Variants in MMP26 observed in about 807,000 individuals in gnomAD.
MMP26 encodes the protein matrix metalloproteinase-26.
MMP26 carries 33 observed loss-of-function variants against 31.0 expected under a neutral mutation model. The observed-to-expected ratio is 1.06, with a 90% CI of 0.81 to 1.42. The LOEUF is 1.42. MMP26 is among the 40% of genes most tolerant of loss of function. The pLI is 0.00. For missense variants in MMP26, 347 were observed against 316.1 expected (o/e 1.10, Z -0.74); for synonymous variants, 122 against 114.9 (o/e 1.06, Z -0.40).
rs116079627 is a variant in MMP26 at position 4,889,975 on chromosome 11, C to A, written c.-144-98093C>A. The A allele has an allele frequency of 2.3e-3, 381 of 164,126 alleles. 1 individual carries two copies. The highest frequency in any genetic ancestry group is 8.7e-3 in the African/African-American group (363 of 41,760). 10.2% of individuals were successfully genotyped at this position (164,126 alleles called of 1,614,324 possible). ...AGTTGACAGTGTTGTCGGAGCAGGC[C>A]AGCTTCCTGACATCCTGATGGAGAC... On this transcript the variant is annotated intron_variant, in intron 2 of 7. Coordinates refer to ENST00000380390, the MANE Select transcript of MMP26 (RefSeq NM_021801.5).
intron 2 of MMP26, among the ~76,000 whole-genome samples, chr11:4,970,776 G>A (rs1846655568): frequency 6.6e-6 from 1 of 152,190 alleles, no homozygotes; most frequent in Admixed American, 6.5e-5. Flanking sequence ...ACCCAGGAAA[G>A]ATTGTCCTCA....
At chr11:4,887,534 C>T (rs1045978941) in intron 2 of MMP26, among the ~76,000 whole-genome samples, 4 of 152,080 alleles carry the variant, frequency 2.6e-5, no homozygotes, top group African/African-American at 9.7e-5. Context: ...TTGAACAGAA[C>T]ATGAACTGTT....
At position 4,934,266 on chromosome 11, in the gene MMP26, C is replaced by A. The variant is rs138383597; in HGVS notation, c.-144-53802C>A. On this transcript the variant is annotated intron_variant, in intron 2 of 7. Transcript: ENST00000380390. The stretch of plus-strand genomic sequence containing the variant: ...TCCTGACTCTTTAATGATTGCCATT[C>A]TAACTGGTGTGAGATGGTATCTCAT... Among the ~76,000 whole-genome samples the A allele has an allele frequency of 3.3e-3, 496 of 150,808 alleles. 8 individuals carry two copies. Among genetic ancestry groups the A allele is most frequent in the African/African-American group, 0.012 (469 of 40,746 alleles).
At chr11:4,927,282 T>C (rs542791973) in intron 2 of MMP26, among the ~76,000 whole-genome samples, 1 of 152,290 alleles carries the variant, frequency 6.6e-6, no homozygotes, top group South Asian at 2.1e-4. Context: ...GTATAGAGCT[T>C]AATTGTTACA....
At chr11:4,991,249 C>T in intron 5 of MMP26, 122 bp from the exon 6 acceptor site, 2 of 1,251,752 alleles carry the variant, frequency 1.6e-6, no homozygotes, top group Non-Finnish European at 2.2e-6. Flanking sequence ...CCTTAGCTCT[C>T]TCACATCCCC....
rs71050429 is a variant in MMP26, at chr11:4,789,530, C to CTTTTTTTTTTT, written c.-145+22208_-145+22218dup. On this transcript the variant is annotated intron_variant, in intron 2 of 7. Transcript: ENST00000380390. ...TCCTGAAGGTAAAGATATCCCCCCA[C>CTTTTTTTTTTT]TTTTTTTTTTTTTTTTTTTTTTTTT... is the stretch of plus-strand genomic sequence containing the variant. Among the ~76,000 whole-genome samples the CTTTTTTTTTTT allele has an allele frequency of 6.7e-3, 442 of 65,940 alleles. 60 individuals carry two copies. The highest frequency in any genetic ancestry group is 0.02 in the African/African-American group (381 of 18,618). The allele number at this position is 65,940 out of a possible 152,430, so 43.3% of individuals were successfully genotyped here.
At chr11:4,796,921 C>T (rs1770150325) in intron 2 of MMP26, among the ~76,000 whole-genome samples, 1 of 152,020 alleles carries the variant, frequency 6.6e-6, no homozygotes, top group African/African-American at 2.4e-5. Context: ...AGTTCATAAA[C>T]AACAGTGCAC....
At chr11:4,768,547 C>G (rs1417988378) in intron 2 of MMP26, among the ~76,000 whole-genome samples, 2 of 152,292 alleles carry the variant, frequency 1.3e-5, no homozygotes, top group Non-Finnish European at 1.5e-5. Flanking sequence ...CACCTGGGTT[C>G]AAATCTCAAC....
chr11:4,841,030 G>A (rs1849786855), intron 2 of MMP26, among the ~76,000 whole-genome samples: 1 of 152,170 alleles, frequency 6.6e-6, no homozygotes, highest in Non-Finnish European at 1.5e-5. Flanking sequence ...ACTGAAGAAT[G>A]CATTAGAGTC....
At chr11:4,894,146 G>A (rs543022574) in intron 2 of MMP26, among the ~76,000 whole-genome samples, 1 of 151,136 alleles carries the variant, frequency 6.6e-6, no homozygotes, top group South Asian at 2.1e-4. Flanking sequence ...AGTAGAGTGG[G>A]TTAAAAGAGA....
chr11:4,969,146 C>T (rs983182868), intron 2 of MMP26, among the ~76,000 whole-genome samples: 4 of 151,838 alleles, frequency 2.6e-5, no homozygotes, highest in South Asian at 2.1e-4. Context: ...AGCCCAGATT[C>T]GGTAACAGGA....
intron 2 of MMP26, chr11:4,914,753 A>G (rs1466591062): frequency 6.2e-7 from 1 of 1,613,442 alleles, no homozygotes; most frequent in Admixed American, 1.7e-5. Context: ...TCGATCCCGG[A>G]TCTGTTTGGT....
intron 2 of MMP26, among the ~76,000 whole-genome samples, chr11:4,792,935 T>A (rs891387889): frequency 1.3e-5 from 2 of 152,220 alleles, no homozygotes; most frequent in African/African-American, 2.4e-5. Context: ...CTCTATAAAA[T>A]GAGCATATTC....
Position 4,769,548 on chromosome 11 carries a change from G to C in MMP26, c.-145+2207G>C, listed in dbSNP as rs776481103. 1.7e-5 allele frequency: 27 copies of C among 1,613,108 alleles called. No individual in the cohort carries two copies. In the South Asian group the frequency reaches 3.0e-4, roughly 18 times the overall value. On this transcript the variant is annotated intron_variant, in intron 2 of 7. Coordinates refer to ENST00000380390, the MANE Select transcript of MMP26 (RefSeq NM_021801.5). ...AGAGGGTCACAGATGGCCACATAACGGTCAAAGGCTGTAGCCACCAGCACT... is the reference window on the plus strand; with the variant it reads ...AGAGGGTCACAGATGGCCACATAACCGTCAAAGGCTGTAGCCACCAGCACT...
chr11:4,955,243 C>G, intron 2 of MMP26: 1 of 1,270,574 alleles, frequency 7.9e-7, no homozygotes, highest in Non-Finnish European at 1.1e-6. Flanking sequence ...AGGGAAGAAC[C>G]AGGAGCATGC....
chr11:4,706,673 A>G (rs1847785217), intron 1 of MMP26, among the ~76,000 whole-genome samples: 2 of 152,128 alleles, frequency 1.3e-5, no homozygotes, highest in African/African-American at 4.8e-5. Flanking sequence ...ACAATACAGT[A>G]TTGTTAACTA....
chr11:4,905,490 CTCAA>C (rs1850871024), intron 2 of MMP26, among the ~76,000 whole-genome samples: 2 of 152,060 alleles, frequency 1.3e-5, no homozygotes, highest in African/African-American at 4.8e-5. Flanking sequence ...TATAAAGGAG[CTCAA>C]TCAATTTCCA....
rs1454868409 is a variant in MMP26, at chr11:4,907,960, C to T, written c.-144-80108C>T. On this transcript the variant is annotated intron_variant, in intron 2 of 7. Coordinates refer to ENST00000380390, the MANE Select transcript of MMP26 (RefSeq NM_021801.5). ...GCTCTGACAACAAGACCAATGTCATCTATGGCTTCTTCATTGCTCTCTGTA... is the reference window on the plus strand; with the variant it reads ...GCTCTGACAACAAGACCAATGTCATTTATGGCTTCTTCATTGCTCTCTGTA... 16 of 1,614,096 alleles carry T rather than the reference C, an allele frequency of 9.9e-6. No individual in the cohort carries two copies. In the East Asian group the frequency reaches 3.3e-4, roughly 34 times the overall value.
At chr11:4,822,468 A>G in intron 2 of MMP26, 1 of 1,221,134 alleles carries the variant, frequency 8.2e-7, no homozygotes, top group Non-Finnish European at 1.1e-6. Flanking sequence ...TGCCTCCAAC[A>G]GTCCAAACTA....
Sources: gnomAD v4.1 joint callset for allele counts (sites outside exome capture counted in the v4.1 genomes callset) on GRCh38, gnomAD v4.1.1 for gene constraint, MANE v1.5 for transcripts, NCBI Gene and HGNC (gene_info 2026-07-23, HGNC 2026-07-21) for gene names.